Variants in WDR49 observed in about 807,000 individuals in gnomAD.
WDR49 encodes the protein WD repeat domain 49.
WDR49 carries 107 observed loss-of-function variants against 119.5 expected under a neutral mutation model. That is an observed-to-expected ratio of 0.90 (90% CI 0.77 to 1.05). The LOEUF (loss-of-function observed/expected upper bound fraction) is 1.05, where lower values mean the gene tolerates loss of function less well. Ranked by LOEUF, WDR49 falls within the 50% of genes least tolerant of loss-of-function variation. WDR49 has a pLI of 0.00. For synonymous variants in WDR49, 425 were observed against 418.8 expected (o/e 1.01, Z -0.18); for missense variants, 1,240 against 1,220.5 (o/e 1.02, Z -0.24).
chr3:167,521,654 G>A (rs1245934507), intron 16 of WDR49, among the ~76,000 whole-genome samples: 2 of 152,048 alleles, frequency 1.3e-5, no homozygotes, highest in East Asian at 3.8e-4. Context: ...TATTCTCCAA[G>A]TAATAAGCTC....
chr3:167,537,102 C>A, intron 10 of WDR49, 102 bp from the exon 11 acceptor site: 4 of 1,188,522 alleles, frequency 3.4e-6, no homozygotes, highest in Non-Finnish European at 4.3e-6. Context: ...TTTTAAAAGA[C>A]TATGCTGCCC....
At chr3:167,514,174 T>C (rs1054215751) in intron 16 of WDR49, among the ~76,000 whole-genome samples, 1 of 152,204 alleles carries the variant, frequency 6.6e-6, no homozygotes, top group Non-Finnish European at 1.5e-5. Context: ...TGGTGCCACA[T>C]GGCACTTCCT....
chr3:167,571,173 G>C (rs1286849779), intron 8 of WDR49, among the ~76,000 whole-genome samples: 1 of 152,046 alleles, frequency 6.6e-6, no homozygotes, highest in African/African-American at 2.4e-5. Flanking sequence ...TAATAATCAA[G>C]CCTCAAGAAA....
chr3:167,597,645 A>G (rs986453467), intron 7 of WDR49, among the ~76,000 whole-genome samples: 2 of 152,096 alleles, frequency 1.3e-5, no homozygotes, highest in African/African-American at 4.8e-5. Context: ...CACAGGAGCA[A>G]ATCTCCCTAC....
In WDR49 at chr3:167,604,350, A is replaced by G; in HGVS notation, c.1077T>C (p.Ile359=). 6.2e-7 allele frequency: 1 copy of G among 1,613,878 alleles called. No individual in the cohort carries two copies. The highest frequency in any genetic ancestry group is 8.5e-7 in the Non-Finnish European group (1 of 1,179,896). ...KKRLNMTSFN[I]AQGIHAFDYH... ...AATCAAAAGCATGAATGCCCTGGGC[A>G]ATGTTGAAGGATGTCATATTAAGAC... The change falls in exon 6 of 19, where the codon ATT becomes ATC. Residue 359 remains isoleucine (I), a synonymous_variant. Coordinates refer to ENST00000682715, the MANE Select transcript of WDR49 (RefSeq NM_001366157.1).
chr3:167,501,826 G>A (rs1361500983), intron 17 of WDR49, among the ~76,000 whole-genome samples: 3 of 152,036 alleles, frequency 2.0e-5, no homozygotes, highest in Non-Finnish European at 2.9e-5. Context: ...GATTTCTGAC[G>A]AGCAAAAATA....
At chr3:167,525,857 A>G (rs975123129) in intron 15 of WDR49, among the ~76,000 whole-genome samples, 4 of 8,214 alleles carry the variant, frequency 4.9e-4, no homozygotes, top group Non-Finnish European at 7.9e-4. Context: ...AAACAAACAA[A>G]CAACAAAAAA....
At chr3:167,577,808 C>G (rs1224198873) in intron 7 of WDR49, among the ~76,000 whole-genome samples, 4 of 152,056 alleles carry the variant, frequency 2.6e-5, no homozygotes, top group African/African-American at 9.7e-5. Flanking sequence ...CCCCATAAGG[C>G]AGGCAACCTT....
intron 16 of WDR49, among the ~76,000 whole-genome samples, chr3:167,511,978 G>C (rs1048159119): frequency 6.6e-6 from 1 of 152,162 alleles, no homozygotes; most frequent in African/African-American, 2.4e-5. Context: ...GAGCCCCTGG[G>C]GGAAACAGTG....
chr3:167,483,730 AT>A (rs1442522502), intron 18 of WDR49, among the ~76,000 whole-genome samples: 1 of 152,130 alleles, frequency 6.6e-6, no homozygotes, highest in African/African-American at 2.4e-5. Context: ...GATACCTGAA[AT>A]GCTTACCTGG....
chr3:167,646,498 G>T (rs780498408), intron 2 of WDR49, among the ~76,000 whole-genome samples: 2 of 152,164 alleles, frequency 1.3e-5, no homozygotes, highest in Non-Finnish European at 2.9e-5. Context: ...TCATGAGAAA[G>T]GGTTCGAAGC....
At chr3:167,479,257 T>C (rs563992447) in intron 18 of WDR49, among the ~76,000 whole-genome samples, 10 of 152,248 alleles carry the variant, frequency 6.6e-5, no homozygotes, top group Non-Finnish European at 1.5e-4. Flanking sequence ...GGGTAGAGGA[T>C]TATAGAAGTT....
At chr3:167,543,733 G>C (rs1711984067) in intron 10 of WDR49, among the ~76,000 whole-genome samples, 1 of 151,872 alleles carries the variant, frequency 6.6e-6, no homozygotes, top group Non-Finnish European at 1.5e-5. Flanking sequence ...ATTGAAACAA[G>C]ACAAAAATGC....
At chr3:167,536,103 T>C (rs1223757176) in intron 11 of WDR49, among the ~76,000 whole-genome samples, 2 of 152,022 alleles carry the variant, frequency 1.3e-5, no homozygotes, top group Non-Finnish European at 2.9e-5. Flanking sequence ...GGTGAGAGAT[T>C]GGTCAATGGG....
intron 5 of WDR49, among the ~76,000 whole-genome samples, chr3:167,609,469 TCAA>T (rs1347569200): frequency 6.6e-6 from 1 of 151,986 alleles, no homozygotes; most frequent in African/African-American, 2.4e-5. Context: ...TGGACCAAAC[TCAA>T]CTGGTGCCCG....
chr3:167,496,537 A>G (rs1751360589), intron 18 of WDR49, among the ~76,000 whole-genome samples: 1 of 152,058 alleles, frequency 6.6e-6, no homozygotes, highest in Non-Finnish European at 1.5e-5. Context: ...GTTTCCCTGA[A>G]AAGTCATCTC....
intron 18 of WDR49, among the ~76,000 whole-genome samples, chr3:167,496,018 C>T (rs1205912292): frequency 5.3e-5 from 8 of 150,964 alleles, no homozygotes; most frequent in Non-Finnish European, 1.0e-4. Context: ...AAATTATTCA[C>T]AAGCAGGCCC....
chr3:167,614,016 G>C (rs549188308), intron 5 of WDR49, among the ~76,000 whole-genome samples: 8 of 151,686 alleles, frequency 5.3e-5, no homozygotes, highest in Admixed American at 5.3e-4. Context: ...CCTGGTCAAA[G>C]GGCAGAAAAC....
chr3:167,616,872 T>G (rs772906967), intron 5 of WDR49, among the ~76,000 whole-genome samples: 8 of 152,180 alleles, frequency 5.3e-5, no homozygotes, highest in Non-Finnish European at 7.4e-5. Flanking sequence ...TACTGGATAC[T>G]AAGGTGAATG....
Sources: allele counts gnomAD v4.1 joint callset (sites outside exome capture counted in the v4.1 genomes callset), GRCh38; gene constraint gnomAD v4.1.1; transcripts MANE v1.5; gene names NCBI Gene and HGNC (gene_info 2026-07-23, HGNC 2026-07-21).